SYNDIG1: variants seen among roughly 807,000 people sequenced by gnomAD.
SYNDIG1 encodes synapse differentiation inducing 1.
Under a neutral mutation model 19.4 loss-of-function variants are expected in SYNDIG1, and 9 were observed. The ratio of observed to expected loss-of-function variants is 0.46; its 90% confidence interval spans 0.28 to 0.81. SYNDIG1 has a LOEUF of 0.81. Ranked by LOEUF, SYNDIG1 falls within the 30% of genes least tolerant of loss-of-function variation. SYNDIG1 has a pLI of 0.12. For missense variants in SYNDIG1, 311 were observed against 343.3 expected, an observed-to-expected ratio of 0.91 and a Z score of 0.74; for synonymous variants, 141 against 145.9, an observed-to-expected ratio of 0.97 and a Z score of 0.24.
chr20:24,537,292 A>G (rs1279949392), intron 1 of SYNDIG1, among the ~76,000 whole-genome samples: 1 of 152,202 alleles, frequency 6.6e-6, no homozygotes, highest in African/African-American at 2.4e-5. Context: ...GGATTCTATA[A>G]TGAATCACAT....
intron 2 of SYNDIG1, among the ~76,000 whole-genome samples, chr20:24,551,368 T>C (rs1003194927): frequency 2.6e-5 from 4 of 152,184 alleles, no homozygotes; most frequent in South Asian, 2.1e-4. Flanking sequence ...AATTTAAGTT[T>C]CTCTATTTCT....
intron 1 of SYNDIG1, among the ~76,000 whole-genome samples, chr20:24,504,907 G>A (rs187830988): frequency 6.6e-6 from 1 of 152,220 alleles, no homozygotes; most frequent in African/African-American, 2.4e-5. Flanking sequence ...GTAAGGATGT[G>A]GGGAAGCAAC....
chr20:24,594,847 A>ATT (rs1423063538), intron 3 of SYNDIG1, among the ~76,000 whole-genome samples: 1 of 152,066 alleles, frequency 6.6e-6, no homozygotes, highest in Non-Finnish European at 1.5e-5. Context: ...AATGCTACTG[A>ATT]TTTTTGCATG....
At chr20:24,605,730 TA>T (rs1427802522) in intron 3 of SYNDIG1, among the ~76,000 whole-genome samples, 1 of 152,188 alleles carries the variant, frequency 6.6e-6, no homozygotes, top group Non-Finnish European at 1.5e-5. Context: ...ATTGTCTTGG[TA>T]ATTAGCATCT....
chr20:24,599,284 TATC>T (rs1211610427), intron 3 of SYNDIG1, among the ~76,000 whole-genome samples: 5 of 152,290 alleles, frequency 3.3e-5, no homozygotes, highest in South Asian at 2.1e-4. Context: ...CACAATGAGA[TATC>T]ATCATCTTAT....
chr20:24,632,138 A>G (rs2059253212), intron 3 of SYNDIG1, among the ~76,000 whole-genome samples: 2 of 152,244 alleles, frequency 1.3e-5, no homozygotes, highest in African/African-American at 4.8e-5. Flanking sequence ...CTGTGGGCCC[A>G]GGGCGGTGTC....
intron 1 of SYNDIG1, among the ~76,000 whole-genome samples, chr20:24,520,670 G>A (rs1216807470): frequency 6.8e-6 from 1 of 147,140 alleles, no homozygotes; most frequent in Non-Finnish European, 1.5e-5. Context: ...TCCAGCCTGC[G>A]TAACAAGAGA....
intron 1 of SYNDIG1, among the ~76,000 whole-genome samples, chr20:24,533,669 T>TGTCCCACCC (rs1488842145): frequency 6.6e-6 from 1 of 152,096 alleles, no homozygotes; most frequent in Admixed American, 6.5e-5. Flanking sequence ...GCCTCCGAGC[T>TGTCCCACCC]GTCCCACCCC....
chr20:24,553,789 C>T (rs527631690), intron 2 of SYNDIG1, among the ~76,000 whole-genome samples: 32 of 152,118 alleles, frequency 2.1e-4, no homozygotes, highest in African/African-American at 1.4e-4. Context: ...CTTGGCAATG[C>T]GGGCTCTTTT....
At chr20:24,562,933 T>C (rs970016813) in intron 2 of SYNDIG1, among the ~76,000 whole-genome samples, 1 of 123,056 alleles carries the variant, frequency 8.1e-6, no homozygotes, top group South Asian at 2.9e-4. Flanking sequence ...ACACAAGTAA[T>C]TGTGACAAAT....
At chr20:24,492,080 C>T (rs2056167018) in intron 1 of SYNDIG1, among the ~76,000 whole-genome samples, 1 of 152,208 alleles carries the variant, frequency 6.6e-6, no homozygotes, top group African/African-American at 2.4e-5. Flanking sequence ...GCAAGAGGCC[C>T]CCGGCCGGCT....
At chr20:24,478,771 G>A (rs1266855127) in intron 1 of SYNDIG1, among the ~76,000 whole-genome samples, 4 of 152,210 alleles carry the variant, frequency 2.6e-5, no homozygotes, top group Non-Finnish European at 5.9e-5. Flanking sequence ...CAGTTCCTAG[G>A]CCAGGCCAGG....
chr20:24,613,935 G>C (rs991267966), intron 3 of SYNDIG1, among the ~76,000 whole-genome samples: 1 of 152,220 alleles, frequency 6.6e-6, no homozygotes, highest in African/African-American at 2.4e-5. Flanking sequence ...GCTGTTACCA[G>C]TGCTGGGTGA....
intron 1 of SYNDIG1, among the ~76,000 whole-genome samples, chr20:24,507,286 G>A (rs1039782816): frequency 3.3e-5 from 5 of 152,248 alleles, no homozygotes; most frequent in African/African-American, 1.2e-4. Flanking sequence ...AGAGGATGCT[G>A]CCAGGGCTTG....
At chr20:24,553,295 G>C (rs1440315850) in intron 2 of SYNDIG1, among the ~76,000 whole-genome samples, 1 of 152,052 alleles carries the variant, frequency 6.6e-6, no homozygotes, top group African/African-American at 2.4e-5. Flanking sequence ...CTTTTGCTGT[G>C]CAGAAGCTCT....
chr20:24,567,389 C>G (rs887620137), intron 2 of SYNDIG1, among the ~76,000 whole-genome samples: 2 of 152,096 alleles, frequency 1.3e-5, no homozygotes, highest in Non-Finnish European at 2.9e-5. Context: ...TAAGGATGGC[C>G]CATCCAGTGA....
rs548142287 is a variant in SYNDIG1 at position 24,575,507 on chromosome 20, C to T, written c.481-9349C>T. Among the ~76,000 whole-genome samples the T allele has an allele frequency of 3.3e-4, 51 of 152,304 alleles. 1 individual carries two copies. The South Asian group carries it at 6.2e-3, about 19-fold the overall frequency. The stretch of plus-strand genomic sequence containing the variant: ...CAGTCCTGACCTCCAAGGGCTGGAG[C>T]GTGGTGTGCACCTCATTTACAGCAG... On this transcript the variant is annotated intron_variant, in intron 2 of 3. Transcript: ENST00000376862.
chr20:24,649,645 T>C (rs2059450770), intron 3 of SYNDIG1, among the ~76,000 whole-genome samples: 1 of 152,180 alleles, frequency 6.6e-6, no homozygotes, highest in Non-Finnish European at 1.5e-5. Flanking sequence ...ATGGGATTTA[T>C]GCATGAGTTC....
chr20:24,487,331 G>C (rs1327907387), intron 1 of SYNDIG1, among the ~76,000 whole-genome samples: 1 of 152,118 alleles, frequency 6.6e-6, no homozygotes, highest in African/African-American at 2.4e-5. Flanking sequence ...CAGTGCTGTA[G>C]TTGGCAACTG....
Sources: allele counts gnomAD v4.1 joint callset (sites outside exome capture counted in the v4.1 genomes callset), GRCh38; gene constraint gnomAD v4.1.1; transcripts MANE v1.5; gene names NCBI Gene and HGNC (gene_info 2026-07-23, HGNC 2026-07-21).